Variants in KIF13B observed in about 807,000 individuals in gnomAD.
The protein encoded by KIF13B is kinesin-like protein KIF13B.
In KIF13B, 127 loss-of-function variants were observed where a neutral mutation model predicts 222.0. The ratio of observed to expected loss-of-function variants is 0.57; its 90% CI spans 0.50 to 0.66. The LOEUF is 0.66. Ranked by LOEUF, KIF13B falls within the 30% of genes least tolerant of loss-of-function variation. KIF13B has a pLI of 0.00. For synonymous variants in KIF13B, 976 were observed against 919.0 expected (o/e 1.06, Z -1.12); for missense variants, 2,173 against 2,379.0 (o/e 0.91, Z 1.80).
chr8:29,177,874 A>C (rs988745054), intron 8 of KIF13B, among the ~76,000 whole-genome samples: 2 of 152,228 alleles, frequency 1.3e-5, no homozygotes, highest in African/African-American at 4.8e-5. Context: ...GCACCTCTGC[A>C]TTCCAACCTG....
intron 1 of KIF13B, among the ~76,000 whole-genome samples, chr8:29,262,596 G>A (rs978014880): frequency 2.6e-5 from 4 of 151,666 alleles, no homozygotes; most frequent in Non-Finnish European, 5.9e-5. Flanking sequence ...CGGGGGCGAC[G>A]ATGACAGCTG....
chr8:29,186,143 G>A (rs1189799797), intron 6 of KIF13B, 149 bp downstream of exon 6: 2 of 630,064 alleles, frequency 3.2e-6, no homozygotes, highest in Non-Finnish European at 5.5e-6. Context: ...AGGAGTTCAA[G>A]GCTGAAGTAA....
chr8:29,113,904 T>G (rs1242783109), intron 31 of KIF13B, among the ~76,000 whole-genome samples: 1 of 152,190 alleles, frequency 6.6e-6, no homozygotes, highest in Non-Finnish European at 1.5e-5. Flanking sequence ...CTAACTAAGA[T>G]GGAAGCAACG....
intron 2 of KIF13B, among the ~76,000 whole-genome samples, 172 bp from the exon 3 acceptor site, chr8:29,196,371 G>A (rs2130381668): frequency 6.6e-6 from 1 of 152,190 alleles, no homozygotes; most frequent in South Asian, 2.1e-4. Flanking sequence ...AAGGATAAAT[G>A]AATGTCTATT....
intron 37 of KIF13B, among the ~76,000 whole-genome samples, chr8:29,078,127 C>CAA (rs10530503): frequency 1.5e-4 from 11 of 74,304 alleles, no homozygotes; most frequent in African/African-American, 6.6e-4. Flanking sequence ...TACTAAAATC[C>CAA]AAAAAAAAAA....
chr8:29,159,077 C>T (rs535613341), intron 13 of KIF13B, among the ~76,000 whole-genome samples: 2 of 152,198 alleles, frequency 1.3e-5, no homozygotes, highest in African/African-American at 4.8e-5. Context: ...CGGTCACATT[C>T]ATATGAATAT....
intron 26 of KIF13B, among the ~76,000 whole-genome samples, chr8:29,125,266 C>T (rs1810057301): frequency 6.6e-6 from 1 of 152,078 alleles, no homozygotes; most frequent in Non-Finnish European, 1.5e-5. Context: ...ACCTACCAGT[C>T]AACACCTACA....
intron 1 of KIF13B, among the ~76,000 whole-genome samples, chr8:29,246,146 G>A (rs1393929518): frequency 2.0e-5 from 3 of 152,114 alleles, no homozygotes; most frequent in Admixed American, 6.5e-5. Flanking sequence ...TTGGGAGGCC[G>A]AGGCGGGTGG....
chr8:29,238,729 C>A (rs117883547), intron 2 of KIF13B, among the ~76,000 whole-genome samples: 2 of 152,286 alleles, frequency 1.3e-5, no homozygotes, highest in East Asian at 3.9e-4. Context: ...ATCTTCCCCA[C>A]CTGTTCTAAA....
chr8:29,122,855 T>TAAGA (rs1348771645), intron 28 of KIF13B, among the ~76,000 whole-genome samples: 1 of 152,256 alleles, frequency 6.6e-6, no homozygotes, highest in Non-Finnish European at 1.5e-5. Context: ...CTTAGCCTTA[T>TAAGA]AAGACACTAC....
At chr8:29,099,792 G>A (rs1447458215) in intron 35 of KIF13B, among the ~76,000 whole-genome samples, 2 of 149,184 alleles carry the variant, frequency 1.3e-5, no homozygotes, top group African/African-American at 5.0e-5. Context: ...CTCCCATTAA[G>A]CTCTGTCCTA....
At chr8:29,236,922 C>CTT (rs11383292) in intron 2 of KIF13B, among the ~76,000 whole-genome samples, 174 of 151,676 alleles carry the variant, frequency 1.1e-3, no homozygotes, top group Admixed American at 4.1e-3. Flanking sequence ...TTTTGTTTTG[C>CTT]TTTTTTTTAC....
chr8:29,146,293 G>T (rs768779762), intron 18 of KIF13B, 85 bp downstream of exon 18: 1 of 1,388,880 alleles, frequency 7.2e-7, no homozygotes, highest in Non-Finnish European at 1.0e-6. Context: ...CACAGACAGG[G>T]ATCTGAAGCT....
chr8:29,233,521 C>T (rs1815376959), intron 2 of KIF13B, among the ~76,000 whole-genome samples: 2 of 152,108 alleles, frequency 1.3e-5, no homozygotes, highest in African/African-American at 4.8e-5. Flanking sequence ...GCGGTGAGTA[C>T]CTCAAACAAT....
intron 10 of KIF13B, among the ~76,000 whole-genome samples, chr8:29,174,127 A>G (rs1252410565): frequency 2.0e-5 from 3 of 152,156 alleles, no homozygotes; most frequent in African/African-American, 4.8e-5. Context: ...GAGCACCTAA[A>G]ATATACTTTG....
At chr8:29,249,986 T>C in intron 1 of KIF13B, 1 of 1,275,074 alleles carries the variant, frequency 7.8e-7, no homozygotes, top group African/African-American at 1.5e-5. Flanking sequence ...CAATTTTACC[T>C]CTTCACTTCC....
In KIF13B at chr8:29,124,026, C is replaced by T. The variant is rs947207603; in HGVS notation, c.3350G>A (p.Arg1117His). Reference protein sequence around the residue: ...DQQLQKLVSKRDKTEDDADRE... With the variant: ...DQQLQKLVSKHDKTEDDADRE... ...AATATTCTATTTGTTTTTCCTACCA[C>T]GTTTACTGACAAGCTTTTGCAATTG... The change falls in exon 27 of 40, where the codon CGT (arginine) becomes CAT (histidine). Residue 1117 changes from arginine to histidine, a missense_variant and splice_region_variant. Around this residue, in one of 2 missense-constraint regions of KIF13B, gnomAD observed 1,480 missense variants for 1,722.8 expected, o/e 0.86. Transcript: ENST00000524189. The T allele has an allele frequency of 6.3e-6, 10 of 1,590,894 alleles. No homozygotes were observed. In the African/African-American group the frequency reaches 9.4e-5, roughly 15 times the overall value.
chr8:29,120,166 GT>G (rs57731633), intron 29 of KIF13B, among the ~76,000 whole-genome samples: 1,755 of 102,126 alleles, frequency 0.017, 15 homozygotes, highest in African/African-American at 0.047. Context: ...AAAAATGACA[GT>G]TTTTTTTTTT....
rs564859178 is a variant in KIF13B at position 29,162,306 on chromosome 8, C to T, written c.1270-1439G>A. Among the ~76,000 whole-genome samples the T allele has an allele frequency of 4.6e-5, 7 of 152,310 alleles. No homozygotes were observed. In the South Asian group the frequency reaches 8.3e-4, roughly 18 times the overall value. ...ATTTTGCTATTTCTAGGCATGCCAT[C>T]GTAATTTATACAATCACTGCAACTC... On this transcript the variant is annotated intron_variant, in intron 12 of 39. Transcript: ENST00000524189.
Sources: allele counts gnomAD v4.1 joint callset (sites outside exome capture counted in the v4.1 genomes callset), GRCh38; gene constraint gnomAD v4.1.1; regional missense constraint gnomAD v4.1.1; transcripts MANE v1.5; gene names NCBI Gene and HGNC (gene_info 2026-07-23, HGNC 2026-07-21).